The following SPATS2L variants were observed in gnomAD, a reference collection of about 807,000 sequenced individuals.
SPATS2L encodes the protein spermatogenesis associated serine rich 2 like.
SPATS2L carries 30 observed loss-of-function variants against 59.6 expected under a neutral mutation model. The observed-to-expected ratio is 0.50, with a 90% confidence interval of 0.38 to 0.68. The LOEUF (loss-of-function observed/expected upper bound fraction) is 0.68, where lower values mean the gene tolerates loss of function less well. Ranked by LOEUF, SPATS2L falls within the 30% of genes least tolerant of loss-of-function variation. The probability of loss-of-function intolerance (pLI) is 0.00; values close to 1 mark genes in which losing one functional copy is unlikely to be tolerated. For missense variants in SPATS2L, 615 were observed against 700.0 expected (o/e 0.88, Z 1.37); for synonymous variants, 252 against 263.5 (o/e 0.96, Z 0.42).
intron 6 of SPATS2L, among the ~76,000 whole-genome samples, chr2:200,423,006 A>G (rs563683804): frequency 8.5e-5 from 13 of 152,326 alleles, no homozygotes; most frequent in African/African-American, 3.1e-4. Context: ...CAGCCACTAA[A>G]GTGACGAGTG....
intron 3 of SPATS2L, among the ~76,000 whole-genome samples, chr2:200,391,986 T>C (rs999474006): frequency 1.3e-5 from 2 of 152,246 alleles, no homozygotes; most frequent in African/African-American, 2.4e-5. Flanking sequence ...GCAAAATTTT[T>C]ATCCATTGTA....
chr2:200,445,834 T>G (rs1268495551), intron 8 of SPATS2L, among the ~76,000 whole-genome samples: 2 of 99,366 alleles, frequency 2.0e-5, no homozygotes, highest in Non-Finnish European at 4.0e-5. Context: ...TTCCAAACAA[T>G]GATAAACCCT....
intron 2 of SPATS2L, among the ~76,000 whole-genome samples, chr2:200,367,484 T>C (rs2081301199): frequency 6.6e-6 from 1 of 152,230 alleles, no homozygotes; most frequent in South Asian, 2.1e-4. Context: ...GAAAATGATC[T>C]GATGACTCAA....
chr2:200,329,856 T>C (rs2079877551), intron 2 of SPATS2L, among the ~76,000 whole-genome samples: 1 of 152,180 alleles, frequency 6.6e-6, no homozygotes, highest in African/African-American at 2.4e-5. Context: ...TGGTGGGCTC[T>C]GGAGCCAGAC....
At chr2:200,394,054 C>G (rs1456238617) in intron 3 of SPATS2L, among the ~76,000 whole-genome samples, 2 of 152,168 alleles carry the variant, frequency 1.3e-5, no homozygotes, top group Non-Finnish European at 2.9e-5. Flanking sequence ...GTTTAATATT[C>G]AAGACAACTG....
At chr2:200,418,587 A>ATAAG (rs2083169099) in intron 5 of SPATS2L, among the ~76,000 whole-genome samples, 1 of 63,142 alleles carries the variant, frequency 1.6e-5, no homozygotes, top group East Asian at 9.6e-4. Context: ...TAAATAATAA[A>ATAAG]TAAATAAATA....
intron 2 of SPATS2L, among the ~76,000 whole-genome samples, chr2:200,374,857 A>G (rs2081544466): frequency 6.6e-6 from 1 of 152,246 alleles, no homozygotes; most frequent in Non-Finnish European, 1.5e-5. Context: ...AAAGGGAAAT[A>G]ATATATGGTA....
intron 5 of SPATS2L, among the ~76,000 whole-genome samples, chr2:200,416,739 T>C: frequency 6.6e-6 from 1 of 152,174 alleles, no homozygotes; most frequent in East Asian, 1.9e-4. Flanking sequence ...TTAACTTGCC[T>C]GAACGTATCC....
intron 8 of SPATS2L, among the ~76,000 whole-genome samples, chr2:200,448,122 G>A (rs1219116894): frequency 6.6e-6 from 1 of 152,058 alleles, no homozygotes; most frequent in Non-Finnish European, 1.5e-5. Flanking sequence ...CTCCAGGCTG[G>A]GCAACAGAGA....
At chr2:200,338,412 C>A (rs1445211958) in intron 2 of SPATS2L, among the ~76,000 whole-genome samples, 2 of 151,960 alleles carry the variant, frequency 1.3e-5, no homozygotes, top group African/African-American at 4.8e-5. Context: ...AGTGGGAGGG[C>A]CAGACAATGA....
At chr2:200,419,573 T>C in intron 6 of SPATS2L, 77 bp downstream of exon 6, 1 of 1,509,510 alleles carries the variant, frequency 6.6e-7, no homozygotes, top group Non-Finnish European at 9.0e-7. Context: ...GGGGCTGCTG[T>C]TGATGTTGTT....
chr2:200,399,187 A>G (rs1327280955), intron 3 of SPATS2L, among the ~76,000 whole-genome samples: 1 of 152,138 alleles, frequency 6.6e-6, no homozygotes, highest in Non-Finnish European at 1.5e-5. Context: ...ATCTTGCATA[A>G]CTGAAATTTC....
intron 6 of SPATS2L, among the ~76,000 whole-genome samples, chr2:200,423,473 G>C (rs142311112): frequency 5.3e-4 from 81 of 152,196 alleles, no homozygotes; most frequent in African/African-American, 1.9e-3. Flanking sequence ...AGAAACCAAG[G>C]CTCCTGGATT....
intron 11 of SPATS2L, among the ~76,000 whole-genome samples, chr2:200,471,861 G>GCAGA (rs376077927): frequency 6.6e-6 from 1 of 152,358 alleles, no homozygotes; most frequent in East Asian, 1.9e-4. Context: ...AACAAAGAGA[G>GCAGA]CAGACAAAGT....
At chr2:200,374,638 G>A (rs182535970) in intron 2 of SPATS2L, among the ~76,000 whole-genome samples, 1 of 152,170 alleles carries the variant, frequency 6.6e-6, no homozygotes, top group Admixed American at 6.5e-5. Context: ...CAAAGGACAT[G>A]TTCCACAGTT....
chr2:200,336,654 C>T (rs1475302603), intron 2 of SPATS2L, among the ~76,000 whole-genome samples: 12 of 152,102 alleles, frequency 7.9e-5, no homozygotes, highest in African/African-American at 2.7e-4. Context: ...AATGTGTATC[C>T]GATACATAAC....
rs183269653 is a variant in SPATS2L at position 200,389,395 on chromosome 2, G to A, written c.39+112G>A. ...AAGGGAAAGTGGTTTTGGGGGATAC[G>A]TAGTAAGTTTGCCACAACAGTAAAC... On this transcript the variant is annotated intron_variant, in intron 3 of 12. Transcript: ENST00000409140. 2.3e-5 allele frequency: 16 copies of A among 705,230 alleles called. 1 individual carries two copies. The highest frequency in any genetic ancestry group is 1.4e-4 in the African/African-American group (8 of 55,828). 43.7% of individuals were successfully genotyped at this position (705,230 alleles called of 1,614,324 possible).
intron 7 of SPATS2L, among the ~76,000 whole-genome samples, chr2:200,440,240 C>T (rs1310437646): frequency 6.6e-6 from 1 of 152,218 alleles, no homozygotes; most frequent in Non-Finnish European, 1.5e-5. Flanking sequence ...TCATTTGTAC[C>T]TCTCCCAGTC....
At chr2:200,379,318 AG>A (rs1395953114) in intron 2 of SPATS2L, among the ~76,000 whole-genome samples, 1 of 152,214 alleles carries the variant, frequency 6.6e-6, no homozygotes, top group East Asian at 1.9e-4. Context: ...TAACGAAAAT[AG>A]AAGTACACAC....
Sources: allele counts gnomAD v4.1 joint callset (sites outside exome capture counted in the v4.1 genomes callset), GRCh38; gene constraint gnomAD v4.1.1; transcripts MANE v1.5; gene names NCBI Gene and HGNC (gene_info 2026-07-23, HGNC 2026-07-21).